Variants in MSRA observed in about 807,000 individuals in gnomAD.
The protein encoded by MSRA is mitochondrial peptide methionine sulfoxide reductase.
A neutral mutation model predicts 31.3 loss-of-function variants in MSRA; 54 were observed. The ratio of observed to expected loss-of-function variants is 1.73; its 90% CI spans 1.39 to 2.17. MSRA has a LOEUF of 2.17. Among genes scored for constraint, MSRA ranks in the 30% most tolerant of loss-of-function variants. MSRA has a pLI of 0.00. For synonymous variants in MSRA, 169 were observed against 116.5 expected (o/e 1.45, Z -2.90); for missense variants, 507 against 300.9 (o/e 1.69, Z -5.07).
At chr8:10,412,533 A>G (rs1808219695) in intron 5 of MSRA, among the ~76,000 whole-genome samples, 2 of 152,238 alleles carry the variant, frequency 1.3e-5, no homozygotes, top group African/African-American at 2.4e-5. Context: ...ATCATGGGAC[A>G]GGGGTTACGC....
At position 10,100,617 on chromosome 8, in the gene MSRA, G is replaced by A. The variant is rs978225692; in HGVS notation, c.142+45959G>A. 2.0e-5 allele frequency among the ~76,000 whole-genome samples: 3 copies of A among 152,064 alleles called. No individual in the cohort carries two copies. The East Asian group carries it at 5.8e-4, about 29-fold the overall frequency. ...GAAATTTAGATCAAGTGAAAGAAAA[G>A]GTTTTGAGAGTACTGGAGTTAGGAG... On this transcript the variant is annotated intron_variant, in intron 1 of 5. Transcript: ENST00000317173.
At chr8:10,125,506 C>T (rs1801434315) in intron 1 of MSRA, among the ~76,000 whole-genome samples, 1 of 152,176 alleles carries the variant, frequency 6.6e-6, no homozygotes, top group African/African-American at 2.4e-5. Flanking sequence ...GACCTGCTGG[C>T]TGCAACTGGA....
intron 1 of MSRA, among the ~76,000 whole-genome samples, chr8:10,111,322 C>T (rs1172264805): frequency 2.0e-5 from 3 of 152,126 alleles, no homozygotes; most frequent in Admixed American, 1.3e-4. Context: ...TCAGTCAAAC[C>T]TCCACCCTTG....
chr8:10,425,253 C>T (rs1372692707), intron 5 of MSRA, among the ~76,000 whole-genome samples: 1 of 152,222 alleles, frequency 6.6e-6, no homozygotes, highest in African/African-American at 2.4e-5. Flanking sequence ...CAGGACCCGT[C>T]CATGAGGTCC....
intron 3 of MSRA, among the ~76,000 whole-genome samples, chr8:10,248,451 C>T (rs1797742604): frequency 6.6e-6 from 1 of 152,128 alleles, no homozygotes; most frequent in African/African-American, 2.4e-5. Context: ...ATCAGAGCTT[C>T]CACAAGCATT....
intron 1 of MSRA, among the ~76,000 whole-genome samples, chr8:10,109,693 T>C (rs1427311833): frequency 6.6e-6 from 1 of 152,232 alleles, no homozygotes; most frequent in Non-Finnish European, 1.5e-5. Context: ...TTTGAAACTA[T>C]ATCACACTGT....
chr8:10,258,297 G>C (rs1798288792), intron 3 of MSRA, among the ~76,000 whole-genome samples: 1 of 151,454 alleles, frequency 6.6e-6, no homozygotes, highest in Admixed American at 6.6e-5. Context: ...ACAATGAAAA[G>C]AACTCCATTG....
chr8:10,205,185 G>A (rs1031615028), intron 1 of MSRA, among the ~76,000 whole-genome samples: 1 of 152,154 alleles, frequency 6.6e-6, no homozygotes, highest in Non-Finnish European at 1.5e-5. Context: ...AGATAATTGT[G>A]GCTACCTTGG....
chr8:10,372,517 C>T lies in MSRA; in HGVS notation c.543+52528C>T, dbSNP rs374026032. ...CGATTTCTAGATAAATAAATGAAATCTCAGAGAGTCTCACTTTTACAACCA... is the reference window on the plus strand; with the variant it reads ...CGATTTCTAGATAAATAAATGAAATTTCAGAGAGTCTCACTTTTACAACCA... On this transcript the variant is annotated intron_variant, in intron 5 of 5. Transcript: ENST00000317173. Among the ~76,000 whole-genome samples, 57 of 152,282 alleles carry T rather than the reference C, an allele frequency of 3.7e-4. No homozygotes were observed. The South Asian group carries it at 0.011, about 29-fold the overall frequency.
At chr8:10,407,632 G>A (rs568171044) in intron 5 of MSRA, among the ~76,000 whole-genome samples, 136 of 152,136 alleles carry the variant, frequency 8.9e-4, no homozygotes, top group Non-Finnish European at 1.4e-3. Context: ...GGGTTTGCAC[G>A]GGGTGCGTTT....
At chr8:10,297,736 G>A (rs1585398834) in intron 3 of MSRA, among the ~76,000 whole-genome samples, 1 of 152,170 alleles carries the variant, frequency 6.6e-6, no homozygotes, top group Non-Finnish European at 1.5e-5. Flanking sequence ...GAATTTGAAT[G>A]GTAGTAGTTT....
At chr8:10,233,474 A>G (rs1330914004) in intron 2 of MSRA, among the ~76,000 whole-genome samples, 2 of 152,258 alleles carry the variant, frequency 1.3e-5, no homozygotes, top group Non-Finnish European at 2.9e-5. Context: ...CAGTGAAGAA[A>G]TAATAAACTA....
At chr8:10,201,106 A>G (rs1287011624) in intron 1 of MSRA, among the ~76,000 whole-genome samples, 1 of 152,074 alleles carries the variant, frequency 6.6e-6, no homozygotes, top group Non-Finnish European at 1.5e-5. Flanking sequence ...GGACTGTGAG[A>G]CCATATTTTG....
At chr8:10,081,244 C>A (rs1400580813) in intron 1 of MSRA, among the ~76,000 whole-genome samples, 2 of 152,184 alleles carry the variant, frequency 1.3e-5, no homozygotes, top group East Asian at 3.9e-4. Context: ...TCTGAGGCTG[C>A]TGGTGTTCCT....
intron 1 of MSRA, among the ~76,000 whole-genome samples, chr8:10,143,800 T>C (rs1802907335): frequency 6.6e-6 from 1 of 152,150 alleles, no homozygotes. Flanking sequence ...CAGATACATA[T>C]CCAGACAAAA....
intron 1 of MSRA, among the ~76,000 whole-genome samples, chr8:10,152,926 A>G (rs1342167947): frequency 6.6e-6 from 1 of 152,208 alleles, no homozygotes; most frequent in Non-Finnish European, 1.5e-5. Context: ...ATACTATGTA[A>G]TTCCACTGAG....
chr8:10,318,408 T>C (rs1585453074), intron 4 of MSRA, among the ~76,000 whole-genome samples: 1 of 152,288 alleles, frequency 6.6e-6, no homozygotes, highest in African/African-American at 2.4e-5. Flanking sequence ...TGGTTATTCC[T>C]TGAGACAAGG....
chr8:10,362,501 G>C (rs1266985101), intron 5 of MSRA, among the ~76,000 whole-genome samples: 1 of 146,088 alleles, frequency 6.8e-6, no homozygotes, highest in Non-Finnish European at 1.5e-5. Context: ...GTATATTTAA[G>C]GCTGTGGGTG....
chr8:10,155,736 C>T (rs1445013421), intron 1 of MSRA, among the ~76,000 whole-genome samples: 3 of 152,036 alleles, frequency 2.0e-5, no homozygotes. Flanking sequence ...TATTAATGAT[C>T]ATGGATTATA....
Sources: gnomAD v4.1 joint callset for allele counts (sites outside exome capture counted in the v4.1 genomes callset) on GRCh38, gnomAD v4.1.1 for gene constraint, MANE v1.5 for transcripts, NCBI Gene and HGNC (gene_info 2026-07-23, HGNC 2026-07-21) for gene names.